URM1: variants seen among roughly 807,000 people sequenced by gnomAD.
URM1 encodes the protein ubiquitin-related modifier 1.
In URM1, 11 loss-of-function variants were observed where a neutral mutation model predicts 17.7. The ratio of observed to expected loss-of-function variants is 0.62; its 90% CI spans 0.39 to 1.03. The LOEUF (loss-of-function observed/expected upper bound fraction) is 1.03, where lower values mean the gene tolerates loss of function less well. Ranked by LOEUF, URM1 falls within the 50% of genes least tolerant of loss-of-function variation. The pLI, the probability that URM1 is intolerant of heterozygous loss-of-function variation, is 0.00. For missense variants in URM1, 128 were observed against 129.2 expected (o/e 0.99, Z 0.04); for synonymous variants, 48 against 50.6 (o/e 0.95, Z 0.22).
intron 1 of URM1, 91 bp from the exon 2 acceptor site, chr9:128,377,944 TA>T: frequency 7.3e-7 from 1 of 1,378,854 alleles, no homozygotes; most frequent in Non-Finnish European, 1.0e-6. Context: ...CGGCCTTCAT[TA>T]CCAGCCCTAT....
At chr9:128,388,385 C>G (rs1833257090) in intron 3 of URM1, 5 of 987,078 alleles carry the variant, frequency 5.1e-6, no homozygotes, top group Admixed American at 1.2e-4. Flanking sequence ...TGCACATGCA[C>G]ACACACTCAC....
intron 2 of URM1, among the ~76,000 whole-genome samples, chr9:128,383,707 A>G (rs548714939): frequency 6.6e-6 from 1 of 152,182 alleles, no homozygotes; most frequent in African/African-American, 2.4e-5. Flanking sequence ...GTTCAAAGAG[A>G]GGCTGGATGA....
intron 1 of URM1, among the ~76,000 whole-genome samples, chr9:128,371,847 C>T (rs1464966207): frequency 1.3e-5 from 2 of 152,168 alleles, no homozygotes; most frequent in Non-Finnish European, 2.9e-5. Context: ...TCTTGTTTCT[C>T]GTGGGATGTA....
chr9:128,371,519 C>T (rs1273467002), intron 1 of URM1, 104 bp downstream of exon 1: 10 of 1,208,882 alleles, frequency 8.3e-6, no homozygotes, highest in Non-Finnish European at 1.1e-5. Context: ...CACTGGGTGT[C>T]CCAGTGCCCG....
At chr9:128,374,758 G>A (rs934941237) in intron 1 of URM1, among the ~76,000 whole-genome samples, 5 of 152,202 alleles carry the variant, frequency 3.3e-5, no homozygotes, top group African/African-American at 1.2e-4. Flanking sequence ...GTCTGGTGAG[G>A]CCTTTTCAGT....
At chr9:128,374,120 C>A (rs763487066) in intron 1 of URM1, among the ~76,000 whole-genome samples, 75 of 152,108 alleles carry the variant, frequency 4.9e-4, no homozygotes, top group Non-Finnish European at 1.1e-3. Flanking sequence ...CTTGGTCTCT[C>A]CTGGGCTAGA....
At position 128,371,513 on chromosome 9, in the gene URM1, G is replaced by C. The variant is rs1457896572; in HGVS notation, c.35+98G>C. ...TGGGGCCTGACACGGCCGAATCACT[G>C]GGTGTCCCAGTGCCCGCTGTGAGCT... On this transcript the variant is annotated intron_variant, in intron 1 of 4. Coordinates refer to ENST00000372853, the MANE Select transcript of URM1 (RefSeq NM_030914.4). 14 of 1,289,784 alleles carry C rather than the reference G, an allele frequency of 1.1e-5. No homozygotes were observed. The Admixed American group carries it at 2.3e-4, about 22-fold the overall frequency. 79.9% of individuals were successfully genotyped at this position (1,289,784 alleles called of 1,614,324 possible).
chr9:128,387,349 T>C lies in URM1; in HGVS notation c.107-467T>C, dbSNP rs1271550112. 6.6e-6 allele frequency among the ~76,000 whole-genome samples: 1 copy of C among 152,146 alleles called. No homozygotes were observed. The highest frequency in any genetic ancestry group is 1.5e-5 in the Non-Finnish European group (1 of 68,016). ...TTTTTTCCCCTCACAAAGGGAAATA[T>C]ATGCAGACCCCTCCAAGAGCAAAGC... On this transcript the variant is annotated intron_variant, in intron 2 of 4. Coordinates refer to ENST00000372853, the MANE Select transcript of URM1 (RefSeq NM_030914.4). This position sits in a 1 kb window ranked among gnomAD's most constrained non-coding sequence, Gnocchi z 4.3.
intron 1 of URM1, 128 bp downstream of exon 1, chr9:128,371,543 T>C: frequency 1.1e-6 from 1 of 944,042 alleles, no homozygotes. Context: ...TGAGCTACGC[T>C]ACCCGCCTAG....
intron 3 of URM1, chr9:128,388,302 A>G: frequency 9.4e-7 from 1 of 1,060,246 alleles, no homozygotes; most frequent in Non-Finnish European, 1.1e-6. Flanking sequence ...ACATGCAGCT[A>G]GTAGATTACC....
intron 1 of URM1, 101 bp from the exon 2 acceptor site, chr9:128,377,935 G>C (rs948246012): frequency 8.2e-7 from 1 of 1,220,652 alleles, no homozygotes; most frequent in Non-Finnish European, 1.2e-6. Context: ...TGCTTCTCTC[G>C]GCCTTCATTA....
At chr9:128,381,033 C>T (rs983482054) in intron 2 of URM1, among the ~76,000 whole-genome samples, 1 of 152,050 alleles carries the variant, frequency 6.6e-6, no homozygotes, top group African/African-American at 2.4e-5. Flanking sequence ...ACCATGTTAG[C>T]CAGGATGGTC....
At chr9:128,373,868 A>C (rs565639325) in intron 1 of URM1, among the ~76,000 whole-genome samples, 1 of 152,344 alleles carries the variant, frequency 6.6e-6, no homozygotes, top group East Asian at 1.9e-4. Flanking sequence ...CAGAGCTTGC[A>C]GCCCAGCAGG....
chr9:128,378,542 C>CAAAAAAAAAAA (rs58676800), intron 2 of URM1, among the ~76,000 whole-genome samples: 1 of 23,026 alleles, frequency 4.3e-5, no homozygotes, highest in African/African-American at 8.7e-5. Flanking sequence ...GACTCCATCT[C>CAAAAAAAAAAA]AAAAAAAAAA....
chr9:128,373,914 G>A (rs776413475), intron 1 of URM1, among the ~76,000 whole-genome samples: 54 of 152,294 alleles, frequency 3.5e-4, no homozygotes, highest in Non-Finnish European at 6.3e-4. Context: ...ATATATATAC[G>A]TGTATATGTA....
upstream of URM1, chr9:128,371,366 C>G: frequency 6.2e-7 from 1 of 1,612,982 alleles, no homozygotes; most frequent in Non-Finnish European, 8.5e-7. Flanking sequence ...TTCCTGCGAG[C>G]TCGGCTTCCT....
chr9:128,378,109 G>T lies in URM1; in HGVS notation c.106+3G>T, dbSNP rs767820255. 6.3e-7 allele frequency: 1 copy of T among 1,599,034 alleles called. No homozygotes were observed. Among genetic ancestry groups the T allele is most frequent in the Non-Finnish European group, 8.5e-7 (1 of 1,171,178 alleles). On this transcript the variant is annotated splice_donor_region_variant and intron_variant, in intron 2 of 4. Coordinates refer to ENST00000372853, the MANE Select transcript of URM1 (RefSeq NM_030914.4). ...TTTGCCTGGACAGGAGGAACCCTGTGAGTATTGGCTTTCTGAACCCCTCTC... is the reference window on the plus strand; with the variant it reads ...TTTGCCTGGACAGGAGGAACCCTGTTAGTATTGGCTTTCTGAACCCCTCTC...
chr9:128,384,475 C>T (rs1042177562), intron 2 of URM1, among the ~76,000 whole-genome samples: 1 of 152,200 alleles, frequency 6.6e-6, no homozygotes, highest in African/African-American at 2.4e-5. Context: ...CCTCACTACT[C>T]TCGCAGTCCC....
intron 2 of URM1, among the ~76,000 whole-genome samples, chr9:128,386,359 G>C (rs1432412564): frequency 6.6e-6 from 1 of 152,232 alleles, no homozygotes; most frequent in Non-Finnish European, 1.5e-5. Context: ...GTCCAAGTGA[G>C]CTGCAGCTAG....
Sources: allele counts gnomAD v4.1 joint callset (sites outside exome capture counted in the v4.1 genomes callset), GRCh38; gene constraint gnomAD v4.1.1; non-coding constraint Gnocchi (gnomAD v3.1); transcripts MANE v1.5; gene names NCBI Gene and HGNC (gene_info 2026-07-23, HGNC 2026-07-21).